Variants in LHPP observed in about 807,000 individuals in gnomAD.
LHPP encodes phospholysine phosphohistidine inorganic pyrophosphate phosphatase, also known as hLHPP.
LHPP carries 24 observed loss-of-function variants against 30.3 expected under a neutral mutation model. That is an observed-to-expected ratio of 0.79 (90% confidence interval 0.57 to 1.11). The LOEUF is 1.11. LHPP is among the 50% of genes most tolerant of loss of function. The pLI is 0.00. For missense variants in LHPP, 356 were observed against 367.2 expected (o/e 0.97, Z 0.25); for synonymous variants, 150 against 157.1 (o/e 0.95, Z 0.34).
At chr10:124,479,129 A>C (rs1953047972) in intron 1 of LHPP, among the ~76,000 whole-genome samples, 1 of 150,818 alleles carries the variant, frequency 6.6e-6, no homozygotes, top group Non-Finnish European at 1.5e-5. Flanking sequence ...CCCCACTCCC[A>C]TGGGACTCCT....
At chr10:124,595,921 CCT>C (rs550667897) in intron 6 of LHPP, among the ~76,000 whole-genome samples, 50 of 152,318 alleles carry the variant, frequency 3.3e-4, no homozygotes, top group African/African-American at 1.2e-3. Context: ...ACGAGGAGCA[CCT>C]CCAATACCCA....
chr10:124,467,519 CT>C (rs112628606), intron 1 of LHPP, among the ~76,000 whole-genome samples: 3,978 of 136,544 alleles, frequency 0.029, 127 homozygotes, highest in African/African-American at 0.086. Context: ...TTTTCTTTTT[CT>C]TTTTTTTTTT....
Position 124,465,908 on chromosome 10 carries a change from A to G in LHPP, c.125+3921A>G, listed in dbSNP as rs11819424. ...TATATCAAGCTGCCCTGTTTCATCA[A>G]TTTGACAAAATTGGCCAAAATCCAA... On this transcript the variant is annotated intron_variant, in intron 1 of 6. Transcript: ENST00000368842. 7.1e-3 allele frequency among the ~76,000 whole-genome samples: 1,080 copies of G among 152,356 alleles called. 11 individuals are homozygous for G. Among genetic ancestry groups the G allele is most frequent in the African/African-American group, 0.024 (986 of 41,582 alleles).
chr10:124,491,865 C>T (rs1589786718), intron 3 of LHPP, among the ~76,000 whole-genome samples: 1 of 152,264 alleles, frequency 6.6e-6, no homozygotes, highest in Middle Eastern at 3.4e-3. Context: ...GCAGAGGTTG[C>T]AGTAAGTCAA....
At chr10:124,500,250 A>C (rs1470887547) in intron 5 of LHPP, among the ~76,000 whole-genome samples, 1 of 151,912 alleles carries the variant, frequency 6.6e-6, no homozygotes, top group Admixed American at 6.5e-5. Context: ...AGGCAGGTGG[A>C]TCACCTGAGG....
chr10:124,563,646 G>A (rs959301893), intron 6 of LHPP, among the ~76,000 whole-genome samples: 4 of 152,174 alleles, frequency 2.6e-5, no homozygotes, highest in African/African-American at 7.2e-5. Flanking sequence ...ATATATTACT[G>A]TTAAGAGAAA....
intron 6 of LHPP, among the ~76,000 whole-genome samples, chr10:124,607,154 C>T (rs1341302466): frequency 6.6e-6 from 1 of 152,218 alleles, no homozygotes; most frequent in East Asian, 1.9e-4. Context: ...TCTGTACCCA[C>T]TGCCGAGGAC....
intron 5 of LHPP, among the ~76,000 whole-genome samples, chr10:124,505,744 G>A (rs1954042526): frequency 6.6e-6 from 1 of 152,180 alleles, no homozygotes; most frequent in Non-Finnish European, 1.5e-5. Context: ...TGAAGGTTTT[G>A]GCAGTTCTCC....
chr10:124,560,205 TA>T (rs1948372443), intron 6 of LHPP, among the ~76,000 whole-genome samples: 1 of 152,250 alleles, frequency 6.6e-6, no homozygotes, highest in Non-Finnish European at 1.5e-5. Flanking sequence ...TTTAATTTTA[TA>T]AATGTAATAT....
intron 6 of LHPP, among the ~76,000 whole-genome samples, chr10:124,552,875 G>A (rs1379040458): frequency 6.6e-6 from 1 of 152,234 alleles, no homozygotes. Flanking sequence ...TAATCCATAT[G>A]CTGTTAAGGT....
intron 5 of LHPP, among the ~76,000 whole-genome samples, chr10:124,500,886 C>G (rs1305261222): frequency 6.6e-6 from 1 of 151,980 alleles, no homozygotes; most frequent in Non-Finnish European, 1.5e-5. Context: ...GACTCAGCAA[C>G]CCATTTCCAG....
intron 6 of LHPP, among the ~76,000 whole-genome samples, chr10:124,588,907 G>A (rs1327698249): frequency 6.6e-6 from 1 of 152,206 alleles, no homozygotes; most frequent in Admixed American, 6.5e-5. Context: ...AGGAAGGAAG[G>A]GCAAAGGTTA....
At chr10:124,474,097 G>C (rs1394602756) in intron 1 of LHPP, among the ~76,000 whole-genome samples, 7 of 149,710 alleles carry the variant, frequency 4.7e-5, no homozygotes, top group African/African-American at 1.5e-4. Flanking sequence ...TGTTGTTGAA[G>C]GGTCAAATAA....
At chr10:124,538,933 A>C (rs1398079040) in intron 6 of LHPP, among the ~76,000 whole-genome samples, 1 of 152,198 alleles carries the variant, frequency 6.6e-6, no homozygotes, top group African/African-American at 2.4e-5. Context: ...CCTCCCTGAC[A>C]TTTCAAGGCC....
chr10:124,475,909 G>A (rs1295151491), intron 1 of LHPP, among the ~76,000 whole-genome samples: 4 of 152,158 alleles, frequency 2.6e-5, no homozygotes, highest in African/African-American at 9.7e-5. Context: ...CACTCGGGCT[G>A]TGTGGTCTCC....
intron 6 of LHPP, among the ~76,000 whole-genome samples, chr10:124,573,923 G>A (rs1395984240): frequency 1.3e-5 from 2 of 151,986 alleles, no homozygotes; most frequent in South Asian, 2.1e-4. Context: ...ACTCAGGTCC[G>A]AGTTTATGTC....
chr10:124,464,327 A>G (rs1416306804), intron 1 of LHPP, among the ~76,000 whole-genome samples: 3 of 152,134 alleles, frequency 2.0e-5, no homozygotes, highest in African/African-American at 7.2e-5. Flanking sequence ...TGTAGGTGGC[A>G]ATTAACTGAG....
At chr10:124,529,483 C>A (rs1954831104) in intron 6 of LHPP, among the ~76,000 whole-genome samples, 1 of 152,150 alleles carries the variant, frequency 6.6e-6, no homozygotes, top group African/African-American at 2.4e-5. Context: ...TGGTGAGGAA[C>A]CTCCCAGCCA....
At chr10:124,534,412 G>A (rs12414076) in intron 6 of LHPP, among the ~76,000 whole-genome samples, 2,231 of 152,360 alleles carry the variant, frequency 0.015, 71 homozygotes, top group Admixed American at 0.079. Flanking sequence ...GCACCGGCAC[G>A]TCGGAGGCCG....
Sources: gnomAD v4.1 joint callset for allele counts (sites outside exome capture counted in the v4.1 genomes callset) on GRCh38, gnomAD v4.1.1 for gene constraint, MANE v1.5 for transcripts, NCBI Gene and HGNC (gene_info 2026-07-23, HGNC 2026-07-21) for gene names.